TMEM117: variants seen among roughly 807,000 people sequenced by gnomAD.
TMEM117 encodes transmembrane protein 117.
TMEM117 carries 27 observed loss-of-function variants against 52.4 expected under a neutral mutation model. That is an observed-to-expected ratio of 0.51 (90% CI 0.38 to 0.71). The LOEUF is 0.71. TMEM117 is among the 30% of genes least tolerant of loss of function. TMEM117 has a pLI of 0.00. For missense variants in TMEM117, 556 were observed against 630.5 expected, an observed-to-expected ratio of 0.88 and a Z score of 1.26; for synonymous variants, 215 against 206.3, an observed-to-expected ratio of 1.04 and a Z score of -0.36.
intron 4 of TMEM117, among the ~76,000 whole-genome samples, chr12:44,208,046 G>T (rs965188510): frequency 7.2e-5 from 11 of 152,106 alleles, no homozygotes; most frequent in African/African-American, 2.4e-4. Flanking sequence ...CAAATGTGAA[G>T]TATAACTCTC....
intron 6 of TMEM117, among the ~76,000 whole-genome samples, chr12:44,310,086 A>AT (rs1037422365): frequency 2.6e-5 from 4 of 151,990 alleles, no homozygotes; most frequent in East Asian, 1.9e-4. Context: ...GTGATGGTCA[A>AT]TTTTTTTTAA....
intron 3 of TMEM117, among the ~76,000 whole-genome samples, chr12:44,011,678 A>ACATACATG (rs60107180): frequency 6.6e-5 from 10 of 152,126 alleles, no homozygotes; most frequent in Admixed American, 2.6e-4. Context: ...ATACATACAT[A>ACATACATG]TGTATGACCA....
At chr12:44,356,302 G>A (rs1951647651) in intron 6 of TMEM117, among the ~76,000 whole-genome samples, 1 of 152,094 alleles carries the variant, frequency 6.6e-6, no homozygotes, top group Admixed American at 6.6e-5. Flanking sequence ...ATTCAGAATT[G>A]TAAAGGAGCA....
chr12:43,911,699 C>T (rs1944504893), intron 2 of TMEM117, among the ~76,000 whole-genome samples: 1 of 143,378 alleles, frequency 7.0e-6, no homozygotes, highest in Non-Finnish European at 1.5e-5. Flanking sequence ...CATGAACAGA[C>T]ACTTCTCAAA....
chr12:43,878,052 C>T (rs1352715525), intron 2 of TMEM117, among the ~76,000 whole-genome samples: 1 of 87,564 alleles, frequency 1.1e-5, no homozygotes, highest in African/African-American at 2.8e-5. Flanking sequence ...GATTGTTTCA[C>T]GTTTTACAAT....
intron 3 of TMEM117, among the ~76,000 whole-genome samples, chr12:44,098,668 G>A (rs1053059870): frequency 7.2e-5 from 11 of 152,134 alleles, no homozygotes; most frequent in East Asian, 3.9e-4. Flanking sequence ...TGAGTCTGAA[G>A]GCTGGGAGCC....
chr12:44,309,216 T>C (rs1415727343), intron 6 of TMEM117, among the ~76,000 whole-genome samples: 1 of 152,048 alleles, frequency 6.6e-6, no homozygotes, highest in Non-Finnish European at 1.5e-5. Flanking sequence ...ATATCTTGAG[T>C]TTTACAGCTG....
At chr12:44,291,224 A>C (rs1273053553) in intron 5 of TMEM117, among the ~76,000 whole-genome samples, 1 of 152,086 alleles carries the variant, frequency 6.6e-6, no homozygotes, top group Non-Finnish European at 1.5e-5. Context: ...ATTTATTTGC[A>C]AGAATTTTAT....
chr12:44,295,723 C>T (rs78977289), intron 5 of TMEM117, among the ~76,000 whole-genome samples: 7,056 of 150,420 alleles, frequency 0.047, 338 homozygotes, highest in African/African-American at 0.12. Flanking sequence ...CTAATTTTGT[C>T]CATGCATTGT....
At chr12:44,158,263 T>G (rs1948853357) in intron 4 of TMEM117, among the ~76,000 whole-genome samples, 1 of 152,270 alleles carries the variant, frequency 6.6e-6, no homozygotes, top group East Asian at 1.9e-4. Context: ...AAAGTAAAGC[T>G]TGGAGTCAAT....
At chr12:44,165,207 CTGAT>C (rs1948950159) in intron 4 of TMEM117, among the ~76,000 whole-genome samples, 1 of 152,190 alleles carries the variant, frequency 6.6e-6, no homozygotes, top group South Asian at 2.1e-4. Context: ...TAAAAACTCA[CTGAT>C]TGAGCAGACA....
intron 3 of TMEM117, chr12:44,009,575 T>G: frequency 4.2e-6 from 1 of 236,030 alleles, no homozygotes; most frequent in Non-Finnish European, 8.9e-6. Context: ...TTTGTGAGTA[T>G]TCCAGCCTAG....
intron 3 of TMEM117, among the ~76,000 whole-genome samples, chr12:44,139,452 A>G (rs990565844): frequency 2.3e-4 from 34 of 151,050 alleles, no homozygotes; most frequent in African/African-American, 7.9e-4. Flanking sequence ...AGATGTTATG[A>G]TAATTAGCCT....
intron 3 of TMEM117, among the ~76,000 whole-genome samples, chr12:44,095,333 G>A (rs1264475863): frequency 6.6e-6 from 1 of 151,852 alleles, no homozygotes; most frequent in African/African-American, 2.4e-5. Context: ...CCATTTTTTG[G>A]CAAAAACTTT....
chr12:43,948,157 A>C (rs757653913), intron 3 of TMEM117, among the ~76,000 whole-genome samples: 1 of 152,116 alleles, frequency 6.6e-6, no homozygotes, highest in Non-Finnish European at 1.5e-5. Context: ...GGAGAGGGAA[A>C]GAGGTAAGTT....
chr12:44,268,184 T>G (rs373488939), intron 5 of TMEM117, among the ~76,000 whole-genome samples: 53 of 152,056 alleles, frequency 3.5e-4, no homozygotes, highest in African/African-American at 1.2e-3. Context: ...GTTGCCCAGC[T>G]TGGAGTGCAA....
At chr12:44,272,633 C>G (rs901319073) in intron 5 of TMEM117, among the ~76,000 whole-genome samples, 1 of 152,210 alleles carries the variant, frequency 6.6e-6, no homozygotes, top group Non-Finnish European at 1.5e-5. Flanking sequence ...CTCATCATCA[C>G]TGGCCATCAG....
Position 44,055,764 on chromosome 12 carries a change from C to T in TMEM117, c.411-87761C>T, listed in dbSNP as rs367589100. Among the ~76,000 whole-genome samples, 41 of 152,270 alleles carry T rather than the reference C, an allele frequency of 2.7e-4. No homozygotes were observed. In the East Asian group the frequency reaches 4.6e-3, roughly 17 times the overall value. ...AGATGTATTGTGAATAAGATATACACAGTCTCTTTAAGTAAAAATTTTACC... is the reference window on the plus strand; with the variant it reads ...AGATGTATTGTGAATAAGATATACATAGTCTCTTTAAGTAAAAATTTTACC... On this transcript the variant is annotated intron_variant, in intron 3 of 7. Coordinates refer to ENST00000266534, the MANE Select transcript of TMEM117 (RefSeq NM_032256.3).
At chr12:44,240,250 C>G (rs1021802017) in intron 5 of TMEM117, among the ~76,000 whole-genome samples, 1 of 152,092 alleles carries the variant, frequency 6.6e-6, no homozygotes, top group Admixed American at 6.6e-5. Flanking sequence ...ACAGTAGATG[C>G]TTGAAATCCA....
Sources: gnomAD v4.1 joint callset for allele counts (sites outside exome capture counted in the v4.1 genomes callset) on GRCh38, gnomAD v4.1.1 for gene constraint, MANE v1.5 for transcripts, NCBI Gene and HGNC (gene_info 2026-07-23, HGNC 2026-07-21) for gene names.